CAMK2D: variants seen among roughly 807,000 people sequenced by gnomAD.
CAMK2D encodes calcium/calmodulin-dependent protein kinase type II subunit delta.
Under a neutral mutation model 84.0 loss-of-function variants are expected in CAMK2D, and 37 were observed. The ratio of observed to expected loss-of-function variants is 0.44; its 90% CI spans 0.34 to 0.58. The LOEUF is 0.58. Ranked by LOEUF, CAMK2D falls within the 20% of genes least tolerant of loss-of-function variation. CAMK2D has a pLI of 0.02. For missense variants in CAMK2D, 448 were observed against 652.5 expected, an observed-to-expected ratio of 0.69 and a Z score of 3.41; for synonymous variants, 202 against 212.5, an observed-to-expected ratio of 0.95 and a Z score of 0.43.
chr4:113,718,632 G>C (rs1474494351), intron 2 of CAMK2D, among the ~76,000 whole-genome samples: 1 of 152,186 alleles, frequency 6.6e-6, no homozygotes, highest in Non-Finnish European at 1.5e-5. Flanking sequence ...CTAGTCCCCA[G>C]GCAGGGAAGG....
chr4:113,454,397 G>C lies in CAMK2D; in HGVS notation c.*148C>G. On this transcript the variant is annotated 3_prime_UTR_variant, in exon 21 of 21. Coordinates refer to ENST00000511664, the MANE Select transcript of CAMK2D (RefSeq NM_001321571.2). Reference sequence around the variant, plus strand: ...ATGCATCACATATGCATTACATGTAGGACCTTCACAACTTCATGCACTCAG... The same window carrying C: ...ATGCATCACATATGCATTACATGTACGACCTTCACAACTTCATGCACTCAG... The C allele has an allele frequency of 1.4e-6, 1 of 729,354 alleles. No individual in the cohort carries two copies. Among genetic ancestry groups the C allele is most frequent in the Non-Finnish European group, 2.6e-6 (1 of 391,890 alleles). 45.2% of individuals were successfully genotyped at this position (729,354 alleles called of 1,614,324 possible). A position where few individuals can be genotyped will look rare whatever the true frequency, so the allele number is the denominator to read the frequency against.
At chr4:113,615,788 A>C (rs1007852153) in intron 3 of CAMK2D, among the ~76,000 whole-genome samples, 3 of 152,122 alleles carry the variant, frequency 2.0e-5, no homozygotes, top group African/African-American at 7.2e-5. Context: ...CATAGCATTT[A>C]TACTTTGTCT....
At chr4:113,606,405 G>A (rs1421450113) in intron 4 of CAMK2D, among the ~76,000 whole-genome samples, 6 of 151,864 alleles carry the variant, frequency 4.0e-5, no homozygotes, top group Non-Finnish European at 7.4e-5. Context: ...AGGAGGCGGC[G>A]GTTGCAGTGA....
At chr4:113,686,677 G>C (rs186641436) in intron 2 of CAMK2D, among the ~76,000 whole-genome samples, 46 of 152,230 alleles carry the variant, frequency 3.0e-4, no homozygotes, top group Middle Eastern at 3.4e-3. Flanking sequence ...CCAAGCATCT[G>C]GAGTCCTACA....
intron 3 of CAMK2D, among the ~76,000 whole-genome samples, chr4:113,623,676 G>A (rs1432268540): frequency 6.6e-6 from 1 of 151,862 alleles, no homozygotes; most frequent in Non-Finnish European, 1.5e-5. Flanking sequence ...TAAAAATATG[G>A]TATTATCTGA....
At chr4:113,474,988 G>A (rs1277134044) in intron 16 of CAMK2D, among the ~76,000 whole-genome samples, 2 of 152,124 alleles carry the variant, frequency 1.3e-5, no homozygotes, top group Non-Finnish European at 2.9e-5. Flanking sequence ...CCTCCCTTCA[G>A]TATTAATAGC....
chr4:113,481,510 C>T (rs918303224), intron 16 of CAMK2D, among the ~76,000 whole-genome samples: 12 of 152,032 alleles, frequency 7.9e-5, no homozygotes, highest in Non-Finnish European at 1.8e-4. Flanking sequence ...GACAGAGTCT[C>T]ACTCTGCTGC....
chr4:113,464,306 TA>T (rs1259846963), intron 17 of CAMK2D, among the ~76,000 whole-genome samples: 1 of 152,254 alleles, frequency 6.6e-6, no homozygotes, highest in Non-Finnish European at 1.5e-5. Flanking sequence ...GTTCTTTACC[TA>T]TTTTTCTACT....
intron 2 of CAMK2D, among the ~76,000 whole-genome samples, chr4:113,726,374 C>CTTTTTT (rs34696947): frequency 7.5e-3 from 518 of 69,478 alleles, no homozygotes; most frequent in African/African-American, 8.2e-3. Flanking sequence ...TTTGCTTGGG[C>CTTTTTT]TTTTTTTTTT....
chr4:113,584,664 G>T (rs13136014), intron 4 of CAMK2D, among the ~76,000 whole-genome samples: 384 of 152,192 alleles, frequency 2.5e-3, no homozygotes, highest in Non-Finnish European at 3.4e-3. Context: ...AGAGAAGGGG[G>T]TGTACCTCAC....
intron 4 of CAMK2D, among the ~76,000 whole-genome samples, chr4:113,602,557 A>G (rs1205745686): frequency 6.6e-6 from 1 of 152,232 alleles, no homozygotes; most frequent in Non-Finnish European, 1.5e-5. Flanking sequence ...GAATCCGCAT[A>G]AGAAACTTTA....
chr4:113,662,596 A>T (rs1399141603), intron 2 of CAMK2D, among the ~76,000 whole-genome samples: 2 of 152,226 alleles, frequency 1.3e-5, no homozygotes, highest in East Asian at 3.8e-4. Flanking sequence ...TTTAAATCTT[A>T]CAACCACCAT....
At chr4:113,457,204 G>A (rs2097313453) in intron 19 of CAMK2D, 131 bp downstream of exon 19, 1 of 1,433,334 alleles carries the variant, frequency 7.0e-7, no homozygotes, top group East Asian at 2.5e-5. Context: ...TCCCGTGAAG[G>A]CATTTATTTT....
intron 16 of CAMK2D, among the ~76,000 whole-genome samples, chr4:113,499,256 T>C (rs1280992691): frequency 1.3e-5 from 2 of 152,180 alleles, no homozygotes; most frequent in Non-Finnish European, 2.9e-5. Flanking sequence ...GTGAGATGAA[T>C]AGACCTACTA....
chr4:113,525,805 A>AT (rs2098412725), intron 8 of CAMK2D, among the ~76,000 whole-genome samples: 2 of 152,092 alleles, frequency 1.3e-5, no homozygotes, highest in African/African-American at 2.4e-5. Context: ...GAGTAGTGTA[A>AT]TTTTTTACCA....
intron 16 of CAMK2D, among the ~76,000 whole-genome samples, chr4:113,479,271 G>T (rs2097669740): frequency 6.6e-6 from 1 of 152,040 alleles, no homozygotes; most frequent in South Asian, 2.1e-4. Flanking sequence ...TACTTTTGTG[G>T]AAAACAATCA....
intron 3 of CAMK2D, among the ~76,000 whole-genome samples, chr4:113,620,497 A>AT (rs1424288434): frequency 6.6e-6 from 1 of 150,694 alleles, no homozygotes; most frequent in East Asian, 1.9e-4. Flanking sequence ...AAACTTTCTT[A>AT]TTTTTTTACA....
intron 17 of CAMK2D, among the ~76,000 whole-genome samples, chr4:113,462,869 A>G (rs1283571453): frequency 2.6e-5 from 4 of 152,174 alleles, no homozygotes. Context: ...GATTTTTTAA[A>G]AAAGAGAATA....
At chr4:113,689,576 CCTT>C (rs1251991123) in intron 2 of CAMK2D, among the ~76,000 whole-genome samples, 3 of 152,302 alleles carry the variant, frequency 2.0e-5, no homozygotes, top group South Asian at 2.1e-4. Context: ...TCCATCCTGT[CCTT>C]CTTATTCTTT....
Sources: allele counts gnomAD v4.1 joint callset (sites outside exome capture counted in the v4.1 genomes callset), GRCh38; gene constraint gnomAD v4.1.1; transcripts MANE v1.5; gene names NCBI Gene and HGNC (gene_info 2026-07-23, HGNC 2026-07-21).